CPS1: variants seen among roughly 807,000 people sequenced by gnomAD.
CPS1 encodes carbamoyl-phosphate synthase 1.
CPS1 carries 109 observed loss-of-function variants against 174.6 expected under a neutral mutation model. The ratio of observed to expected loss-of-function variants is 0.62; its 90% confidence interval spans 0.53 to 0.73. The LOEUF is 0.73. Ranked by LOEUF, CPS1 falls within the 30% of genes least tolerant of loss-of-function variation. CPS1 has a pLI of 0.00. For synonymous variants in CPS1, 637 were observed against 632.0 expected (o/e 1.01, Z -0.12); for missense variants, 1,689 against 1,821.9 (o/e 0.93, Z 1.33).
chr2:210,664,542 T>G (rs1701029489), intron 33 of CPS1, among the ~76,000 whole-genome samples: 1 of 152,124 alleles, frequency 6.6e-6, no homozygotes, highest in African/African-American at 2.4e-5. Context: ...TTTCTCCATG[T>G]GGGTCAGGCT....
At chr2:210,570,092 A>G (rs894495816) in intron 1 of CPS1, among the ~76,000 whole-genome samples, 3 of 151,946 alleles carry the variant, frequency 2.0e-5, no homozygotes, top group African/African-American at 7.2e-5. Context: ...CAATTCATAG[A>G]TAAGTCAATT....
At chr2:210,528,707 G>A (rs914319694) in intron 1 of CPS1, among the ~76,000 whole-genome samples, 1 of 151,648 alleles carries the variant, frequency 6.6e-6, no homozygotes, top group African/African-American at 2.4e-5. Context: ...CCTAGTTCAT[G>A]AGTGTGGGGG....
In CPS1 at chr2:210,622,798, GA is replaced by G. The variant is rs566500113; in HGVS notation, c.2687+6266del. 2.1e-4 allele frequency among the ~76,000 whole-genome samples: 31 copies of G among 146,658 alleles called. No individual in the cohort carries two copies. In the East Asian group the frequency reaches 5.2e-3, roughly 25 times the overall value. On this transcript the variant is annotated intron_variant, in intron 21 of 37. Coordinates refer to ENST00000233072, the MANE Select transcript of CPS1 (RefSeq NM_001875.5). ...AAAAAAAAGACACATGAACAGGCAAGAAAAAAAAAGTGAGAGTACAATTACC... is the reference window on the plus strand; with the variant it reads ...AAAAAAAAGACACATGAACAGGCAAGAAAAAAAAGTGAGAGTACAATTACC...
chr2:210,603,771 C>A (rs956455924), intron 16 of CPS1, among the ~76,000 whole-genome samples: 2 of 151,504 alleles, frequency 1.3e-5, no homozygotes, highest in Admixed American at 1.3e-4. Flanking sequence ...TGAAAAAAAC[C>A]CTCGCTCTTC....
At position 210,537,913 on chromosome 2, in the gene CPS1, A is replaced by AAT. The variant is rs778065987; in HGVS notation, c.4-18801_4-18800dup. On this transcript the variant is annotated intron_variant, in intron 1 of 38. Coordinates refer to the CPS1 transcript ENST00000430249. ...GAACTACAGGCTATATGTAATGTTA[A>AAT]ATATATGTATTTGTATATATGTGTA... 2.8e-4 allele frequency among the ~76,000 whole-genome samples: 42 copies of AAT among 152,338 alleles called. No homozygotes were observed. In the East Asian group the frequency reaches 7.7e-3, roughly 28 times the overall value.
intron 20 of CPS1, among the ~76,000 whole-genome samples, chr2:210,615,805 T>G (rs1196895761): frequency 6.6e-6 from 1 of 152,040 alleles, no homozygotes; most frequent in African/African-American, 2.4e-5. Context: ...TTGGAATATA[T>G]TAGGATTTTA....
At chr2:210,676,672 G>A (rs1327662615) in intron 36 of CPS1, among the ~76,000 whole-genome samples, 1 of 152,146 alleles carries the variant, frequency 6.6e-6, no homozygotes, top group Non-Finnish European at 1.5e-5. Context: ...GTGGGAACAT[G>A]GGGGTGAAAG....
intron 1 of CPS1, among the ~76,000 whole-genome samples, chr2:210,551,339 A>T (rs1696724516): frequency 6.6e-6 from 1 of 152,020 alleles, no homozygotes; most frequent in South Asian, 2.1e-4. Flanking sequence ...TTACATTGGC[A>T]ATAACTCATT....
At position 210,668,312 on chromosome 2, in the gene CPS1, C is replaced by G. The variant is rs200352265; in HGVS notation, c.4101+28C>G. 3 of 1,478,062 alleles carry G rather than the reference C, an allele frequency of 2.0e-6. No homozygotes were observed. In the East Asian group the frequency reaches 6.8e-5, roughly 33 times the overall value. The allele number at this position is 1,478,062 out of a possible 1,614,324, so 91.6% of individuals were successfully genotyped here. A position where few individuals can be genotyped will look rare whatever the true frequency, so the allele number is the denominator to read the frequency against. The stretch of plus-strand genomic sequence containing the variant: ...AAGTGGTTTGTGGCTGTGTGCTTGC[C>G]CATGGTCATACATGGTGAGTGGGGA... On this transcript the variant is annotated intron_variant, in intron 34 of 37. Transcript: ENST00000233072.
At chr2:210,671,925 C>G (rs1218362435) in intron 34 of CPS1, 1 of 152,042 alleles carries the variant, frequency 6.6e-6, no homozygotes, top group African/African-American at 2.4e-5. Context: ...TAATGTTTTT[C>G]GTGGTGATTT....
At chr2:210,536,286 A>G (rs1190481985) in intron 1 of CPS1, among the ~76,000 whole-genome samples, 1 of 151,224 alleles carries the variant, frequency 6.6e-6, no homozygotes, top group Admixed American at 6.6e-5. Context: ...ATAGTTTTAA[A>G]TATATGTATT....
intron 2 of CPS1, among the ~76,000 whole-genome samples, chr2:210,575,249 G>A (rs1697653099): frequency 6.6e-6 from 1 of 151,972 alleles, no homozygotes; most frequent in African/African-American, 2.4e-5. Context: ...TACTGCCTGC[G>A]TTAAACTTTA....
chr2:210,632,500 G>T (rs1699899777), intron 21 of CPS1, among the ~76,000 whole-genome samples: 2 of 152,120 alleles, frequency 1.3e-5, no homozygotes, highest in Admixed American at 1.3e-4. Flanking sequence ...TTTCTACTGT[G>T]TATAATGACA....
chr2:210,676,917 G>T (rs1231954736), intron 36 of CPS1, 90 bp from the exon 37 acceptor site: 2 of 1,295,476 alleles, frequency 1.5e-6, no homozygotes, highest in Non-Finnish European at 1.1e-6. Flanking sequence ...GCATTGACTT[G>T]AATGGCTAAG....
intron 30 of CPS1, chr2:210,658,233 G>C (rs1380806786): frequency 3.3e-6 from 1 of 304,432 alleles, no homozygotes; most frequent in African/African-American, 2.2e-5. Flanking sequence ...CAGCAGGTAG[G>C]TCATTACATT....
intron 1 of CPS1, among the ~76,000 whole-genome samples, chr2:210,518,872 A>G (rs1439574625): frequency 6.6e-6 from 1 of 152,018 alleles, no homozygotes; most frequent in Non-Finnish European, 1.5e-5. Flanking sequence ...CTTTAAATCT[A>G]AATTTACCAA....
At chr2:210,542,238 G>A (rs911450660) in intron 1 of CPS1, among the ~76,000 whole-genome samples, 21 of 152,064 alleles carry the variant, frequency 1.4e-4, no homozygotes, top group African/African-American at 4.8e-4. Context: ...GAGAATGGCT[G>A]AAGAAAACCA....
In CPS1 at chr2:210,613,104, T is replaced by G. The variant is rs562798372; in HGVS notation, c.2568+811T>G. Reference sequence around the variant, plus strand: ...ACAAAGCTCTACTGACCATTTTATGTTTGTGTGTGTGTATGTGTGTGCATG... The same window carrying G: ...ACAAAGCTCTACTGACCATTTTATGGTTGTGTGTGTGTATGTGTGTGCATG... On this transcript the variant is annotated intron_variant, in intron 20 of 37. Transcript: ENST00000233072. 5.9e-5 allele frequency among the ~76,000 whole-genome samples: 9 copies of G among 152,024 alleles called. No individual in the cohort carries two copies. In the South Asian group the frequency reaches 1.9e-3, roughly 32 times the overall value.
chr2:210,557,368 T>C (rs1198414205), intron 1 of CPS1, among the ~76,000 whole-genome samples: 3 of 152,128 alleles, frequency 2.0e-5, no homozygotes, highest in Non-Finnish European at 4.4e-5. Flanking sequence ...GACACTGCTT[T>C]AGCTTTTTCC....
Sources: gnomAD v4.1 joint callset for allele counts (sites outside exome capture counted in the v4.1 genomes callset) on GRCh38, gnomAD v4.1.1 for gene constraint, MANE v1.5 for transcripts, NCBI Gene and HGNC (gene_info 2026-07-23, HGNC 2026-07-21) for gene names.